The following CNTNAP2 variants were observed in gnomAD, a reference collection of about 807,000 sequenced individuals.
CNTNAP2 encodes the protein contactin associated protein 2.
Under a neutral mutation model 155.2 loss-of-function variants are expected in CNTNAP2, and 98 were observed. The ratio of observed to expected loss-of-function variants is 0.63; its 90% CI spans 0.54 to 0.75. CNTNAP2 has a LOEUF of 0.75. Among genes scored for constraint, CNTNAP2 ranks in the 30% least tolerant of loss-of-function variants. CNTNAP2 has a pLI of 0.00. For synonymous variants in CNTNAP2, 651 were observed against 631.2 expected (o/e 1.03, Z -0.47); for missense variants, 1,727 against 1,688.1 (o/e 1.02, Z -0.40).
intron 16 of CNTNAP2, among the ~76,000 whole-genome samples, chr7:148,138,542 G>T (rs747871946): frequency 6.6e-6 from 1 of 152,020 alleles, no homozygotes; most frequent in Non-Finnish European, 1.5e-5. Context: ...TCATTTTGCC[G>T]CACAACCTGA....
At chr7:147,899,506 C>G (rs1483256342) in intron 13 of CNTNAP2, among the ~76,000 whole-genome samples, 1 of 152,128 alleles carries the variant, frequency 6.6e-6, no homozygotes, top group Non-Finnish European at 1.5e-5. Context: ...ATCATTAATG[C>G]TACATTGGAC....
chr7:148,050,506 A>C (rs1449542472), intron 15 of CNTNAP2, among the ~76,000 whole-genome samples: 1 of 152,278 alleles, frequency 6.6e-6, no homozygotes, highest in Admixed American at 6.5e-5. Context: ...GTGTTATCAC[A>C]AAAGAGTAAA....
At chr7:147,825,297 A>T (rs539902829) in intron 13 of CNTNAP2, among the ~76,000 whole-genome samples, 1 of 152,320 alleles carries the variant, frequency 6.6e-6, no homozygotes, top group Non-Finnish European at 1.5e-5. Context: ...TCTTAGTAGC[A>T]CCAGGTTGGT....
At chr7:146,246,797 G>A (rs949152654) in intron 1 of CNTNAP2, among the ~76,000 whole-genome samples, 22 of 152,200 alleles carry the variant, frequency 1.4e-4, no homozygotes, top group African/African-American at 4.8e-4. Context: ...GGAATCCTGG[G>A]CTGCAGGCAT....
At chr7:147,046,669 C>T (rs1158902444) in intron 4 of CNTNAP2, among the ~76,000 whole-genome samples, 1 of 152,078 alleles carries the variant, frequency 6.6e-6, no homozygotes. Context: ...TTGGTTATAT[C>T]AATTTAAAGT....
chr7:148,193,895 A>G (rs1211998703), intron 18 of CNTNAP2, among the ~76,000 whole-genome samples: 2 of 149,698 alleles, frequency 1.3e-5, no homozygotes, highest in African/African-American at 4.9e-5. Flanking sequence ...CACTCTCCCC[A>G]TGTGGAGAAT....
intron 1 of CNTNAP2, among the ~76,000 whole-genome samples, chr7:146,302,564 G>T (rs1800629645): frequency 6.6e-6 from 1 of 152,092 alleles, no homozygotes; most frequent in Non-Finnish European, 1.5e-5. Context: ...AAGCAAAAAA[G>T]CTAAGTAATT....
chr7:147,294,119 C>T (rs1461995803), intron 8 of CNTNAP2, among the ~76,000 whole-genome samples: 2 of 152,150 alleles, frequency 1.3e-5, no homozygotes, highest in African/African-American at 4.8e-5. Flanking sequence ...ATCTCAGCCT[C>T]TTATGGGGCA....
At chr7:147,274,486 A>G (rs1804848134) in intron 8 of CNTNAP2, among the ~76,000 whole-genome samples, 1 of 152,106 alleles carries the variant, frequency 6.6e-6, no homozygotes, top group African/African-American at 2.4e-5. Context: ...ATGTCTGTTC[A>G]TGTCCTTTGC....
intron 11 of CNTNAP2, among the ~76,000 whole-genome samples, chr7:147,499,849 A>C (rs1350127166): frequency 6.6e-6 from 1 of 152,186 alleles, no homozygotes; most frequent in Non-Finnish European, 1.5e-5. Flanking sequence ...AAGGCTGAGA[A>C]CACTAGTGTT....
At chr7:147,083,107 G>C (rs2129269071) in intron 4 of CNTNAP2, 1 of 152,244 alleles carries the variant, frequency 6.6e-6, no homozygotes, top group Admixed American at 6.5e-5. Context: ...GATTGCCTCG[G>C]TTGACTTGGA....
intron 1 of CNTNAP2, among the ~76,000 whole-genome samples, chr7:146,370,688 A>G (rs549486117): frequency 6.6e-6 from 1 of 152,260 alleles, no homozygotes; most frequent in African/African-American, 2.4e-5. Flanking sequence ...GTAAATTTTA[A>G]TATCAGCGTG....
chr7:146,690,613 T>C (rs1198168391), intron 1 of CNTNAP2, among the ~76,000 whole-genome samples: 1 of 152,196 alleles, frequency 6.6e-6, no homozygotes, highest in African/African-American at 2.4e-5. Context: ...AGCTAGAATC[T>C]GCTCTCGACC....
chr7:147,735,204 A>T (rs1796820115), intron 13 of CNTNAP2, among the ~76,000 whole-genome samples: 1 of 152,122 alleles, frequency 6.6e-6, no homozygotes, highest in Non-Finnish European at 1.5e-5. Context: ...TGTGTCCCAG[A>T]GATTCTGATA....
intron 1 of CNTNAP2, among the ~76,000 whole-genome samples, chr7:146,361,044 A>T (rs1032361944): frequency 6.6e-6 from 1 of 152,204 alleles, no homozygotes; most frequent in Non-Finnish European, 1.5e-5. Context: ...AATTGCAAAC[A>T]TGTCAATATT....
intron 14 of CNTNAP2, among the ~76,000 whole-genome samples, chr7:147,918,484 G>A (rs1413535007): frequency 1.3e-5 from 2 of 152,146 alleles, no homozygotes; most frequent in African/African-American, 4.8e-5. Flanking sequence ...GATAATGGGT[G>A]TGTACTAATA....
chr7:146,996,706 C>A (rs1798313856), intron 3 of CNTNAP2, among the ~76,000 whole-genome samples: 1 of 152,026 alleles, frequency 6.6e-6, no homozygotes. Context: ...ATATTACTTC[C>A]TTTTGCCTAA....
intron 10 of CNTNAP2, among the ~76,000 whole-genome samples, chr7:147,462,931 A>G (rs1280550210): frequency 1.3e-5 from 2 of 152,202 alleles, no homozygotes; most frequent in African/African-American, 2.4e-5. Context: ...TTATGAACAC[A>G]CTTGTTTTGA....
intron 3 of CNTNAP2, among the ~76,000 whole-genome samples, chr7:146,973,588 T>A (rs1797847407): frequency 6.6e-6 from 1 of 152,222 alleles, no homozygotes; most frequent in African/African-American, 2.4e-5. Context: ...TTATTCCTGA[T>A]TAAATCAATA....
Sources: gnomAD v4.1 joint callset for allele counts (sites outside exome capture counted in the v4.1 genomes callset) on GRCh38, gnomAD v4.1.1 for gene constraint, MANE v1.5 for transcripts, NCBI Gene and HGNC (gene_info 2026-07-23, HGNC 2026-07-21) for gene names.